Variants in TBC1D22A observed in about 807,000 individuals in gnomAD.
TBC1D22A encodes the protein putative GTPase activator.
Under a neutral mutation model 60.2 loss-of-function variants are expected in TBC1D22A, and 38 were observed. The ratio of observed to expected loss-of-function variants is 0.63; its 90% confidence interval spans 0.49 to 0.83. The LOEUF (loss-of-function observed/expected upper bound fraction) is 0.83, where lower values mean the gene tolerates loss of function less well. TBC1D22A is among the 40% of genes least tolerant of loss of function. TBC1D22A has a pLI of 0.00. For synonymous variants in TBC1D22A, 302 were observed against 281.7 expected (o/e 1.07, Z -0.72); for missense variants, 628 against 701.0 (o/e 0.90, Z 1.18).
At chr22:47,004,648 A>G (rs935787655) in intron 10 of TBC1D22A, among the ~76,000 whole-genome samples, 4 of 146,118 alleles carry the variant, frequency 2.7e-5, no homozygotes, top group African/African-American at 1.1e-4. Context: ...CTGTATACAC[A>G]CTCAGATGCC....
At chr22:46,941,362 A>G (rs1248537286) in intron 8 of TBC1D22A, among the ~76,000 whole-genome samples, 2 of 148,898 alleles carry the variant, frequency 1.3e-5, no homozygotes, top group Non-Finnish European at 3.0e-5. Context: ...ATATATATAC[A>G]GAATATATAT....
chr22:47,059,752 G>T (rs1002607321), intron 11 of TBC1D22A, among the ~76,000 whole-genome samples: 1 of 152,126 alleles, frequency 6.6e-6, no homozygotes, highest in African/African-American at 2.4e-5. Flanking sequence ...TGCGCTTTCA[G>T]GTCTGAGCCA....
chr22:46,901,446 G>A (rs115383137), intron 7 of TBC1D22A, among the ~76,000 whole-genome samples: 3,325 of 152,304 alleles, frequency 0.022, 121 homozygotes, highest in African/African-American at 0.076. Context: ...TTGCTAACCT[G>A]TTAAGACACC....
At chr22:47,114,310 T>G (rs1469552546) in intron 12 of TBC1D22A, among the ~76,000 whole-genome samples, 1 of 151,874 alleles carries the variant, frequency 6.6e-6, no homozygotes, top group African/African-American at 2.4e-5. Flanking sequence ...TGAGAGCCTG[T>G]GGGGCCCCTG....
intron 8 of TBC1D22A, among the ~76,000 whole-genome samples, chr22:46,969,519 C>T (rs1451814412): frequency 1.3e-5 from 2 of 152,224 alleles, no homozygotes; most frequent in African/African-American, 4.8e-5. Flanking sequence ...AATCATCCCC[C>T]AAAGCCTTTC....
At chr22:46,874,779 G>A (rs893977912) in intron 4 of TBC1D22A, among the ~76,000 whole-genome samples, 3 of 151,942 alleles carry the variant, frequency 2.0e-5, no homozygotes, top group South Asian at 4.2e-4. Context: ...TCACCATGTT[G>A]CCCAGGCTGG....
At chr22:47,150,031 A>C (rs1276335535) in intron 12 of TBC1D22A, among the ~76,000 whole-genome samples, 1 of 152,004 alleles carries the variant, frequency 6.6e-6, no homozygotes, top group Non-Finnish European at 1.5e-5. Context: ...CCAGGAGCAG[A>C]TGGGCCAGGG....
chr22:46,972,635 G>A (rs1226435912), intron 8 of TBC1D22A, among the ~76,000 whole-genome samples: 1 of 152,204 alleles, frequency 6.6e-6, no homozygotes, highest in African/African-American at 2.4e-5. Flanking sequence ...CAGGCGTGGG[G>A]TGGGGAGTGG....
intron 8 of TBC1D22A, among the ~76,000 whole-genome samples, chr22:46,941,697 T>TTA (rs1329400943): frequency 1.5e-5 from 1 of 65,094 alleles, no homozygotes; most frequent in Admixed American, 1.8e-4. Flanking sequence ...TATACGCGGA[T>TTA]TATATATGCG....
In TBC1D22A at chr22:47,111,507, G is replaced by T; in HGVS notation, c.1330-1G>T. The T allele has an allele frequency of 6.2e-7, 1 of 1,612,862 alleles. No homozygotes were observed. Among genetic ancestry groups the T allele is most frequent in the Non-Finnish European group, 8.5e-7 (1 of 1,179,700 alleles). On this transcript the variant is annotated splice_acceptor_variant, in intron 11 of 12. Transcript: ENST00000337137. LOFTEE classifies it high-confidence loss of function. Reference sequence around the variant, plus strand: ...TCTCTTGGTTATTTTTTCTCTTTTAGTCTGAACCGGACGGCTTTTCTCATT... The same window carrying T: ...TCTCTTGGTTATTTTTTCTCTTTTATTCTGAACCGGACGGCTTTTCTCATT...
At chr22:46,798,367 T>A (rs1354418374) in intron 4 of TBC1D22A, among the ~76,000 whole-genome samples, 1 of 152,188 alleles carries the variant, frequency 6.6e-6, no homozygotes, top group Non-Finnish European at 1.5e-5. Flanking sequence ...CTTGCAGTCA[T>A]CAGAGGGTGA....
At chr22:46,918,805 C>A (rs1001419280) in intron 8 of TBC1D22A, among the ~76,000 whole-genome samples, 6 of 152,142 alleles carry the variant, frequency 3.9e-5, no homozygotes, top group African/African-American at 1.4e-4. Context: ...TGGACCACAG[C>A]CTCTTGCAAC....
chr22:47,112,638 C>A (rs1331194163), intron 12 of TBC1D22A, among the ~76,000 whole-genome samples: 1 of 152,236 alleles, frequency 6.6e-6, no homozygotes. Context: ...GAGCTGCCAA[C>A]AGATCCTGGC....
intron 4 of TBC1D22A, among the ~76,000 whole-genome samples, chr22:46,829,807 T>C (rs760945315): frequency 6.6e-6 from 1 of 152,160 alleles, no homozygotes; most frequent in Admixed American, 6.5e-5. Flanking sequence ...GCTCTTTTCC[T>C]GTTTGGGGGC....
At chr22:46,902,977 C>A (rs5769220) in intron 7 of TBC1D22A, among the ~76,000 whole-genome samples, 1 of 151,940 alleles carries the variant, frequency 6.6e-6, no homozygotes, top group Non-Finnish European at 1.5e-5. Context: ...GAAGACAGCC[C>A]GAGGAGGGGC....
chr22:47,167,221 G>C (rs2068241642), intron 12 of TBC1D22A, among the ~76,000 whole-genome samples: 2 of 152,134 alleles, frequency 1.3e-5, no homozygotes. Context: ...TAACACCCAG[G>C]TAACACCCAG....
intron 12 of TBC1D22A, among the ~76,000 whole-genome samples, chr22:47,149,843 C>G (rs1416765527): frequency 6.6e-6 from 1 of 152,190 alleles, no homozygotes. Flanking sequence ...GTGATTGTCA[C>G]CTCCACCTTA....
At chr22:46,765,394 C>T (rs2146656376) in intron 1 of TBC1D22A, among the ~76,000 whole-genome samples, 1 of 152,292 alleles carries the variant, frequency 6.6e-6, no homozygotes, top group East Asian at 1.9e-4. Context: ...AGATCCTAGC[C>T]AGGTTCCTGT....
intron 4 of TBC1D22A, among the ~76,000 whole-genome samples, chr22:46,800,476 G>T (rs551976537): frequency 1.2e-4 from 19 of 152,246 alleles, no homozygotes; most frequent in Admixed American, 4.6e-4. Flanking sequence ...CTCCAGGGTG[G>T]TGTGGAGATT....
Sources: allele counts gnomAD v4.1 joint callset (sites outside exome capture counted in the v4.1 genomes callset), GRCh38; gene constraint gnomAD v4.1.1; transcripts MANE v1.5; gene names NCBI Gene and HGNC (gene_info 2026-07-23, HGNC 2026-07-21).